Variants in MAGED1 observed in about 807,000 individuals in gnomAD.
The protein encoded by MAGED1 is MAGE family member D1.
MAGED1 carries 3 observed loss-of-function variants against 54.1 expected under a neutral mutation model. The ratio of observed to expected loss-of-function variants is 0.06; its 90% confidence interval spans 0.03 to 0.14. The LOEUF (loss-of-function observed/expected upper bound fraction) is 0.14. Among genes scored for constraint, MAGED1 ranks in the 10% least tolerant of loss-of-function variants. MAGED1 has a pLI of 1.00. For synonymous variants in MAGED1, 217 were observed against 227.3 expected (o/e 0.95, Z 0.41); for missense variants, 485 against 623.4 (o/e 0.78, Z 2.36).
chrX:51,889,520 C>T (rs782539014), upstream of MAGED1, among the ~76,000 whole-genome samples: 1 of 101,044 alleles, frequency 9.9e-6, no homozygotes, highest in South Asian at 5.1e-4. Flanking sequence ...CCCAGTTACT[C>T]GGGAGGCTCT....
intron 1 of MAGED1, among the ~76,000 whole-genome samples, chrX:51,816,780 C>T (rs782816266): frequency 5.4e-5 from 6 of 110,469 alleles, no homozygotes; most frequent in South Asian, 3.9e-4. Flanking sequence ...CAAACAGAAA[C>T]GGAGATCCAC....
At chrX:51,856,663 G>T (rs782646096) in intron 1 of MAGED1, among the ~76,000 whole-genome samples, 95 of 112,117 alleles carry the variant, frequency 8.5e-4, no homozygotes, top group African/African-American at 3.0e-3. Context: ...TCCAAAGAAT[G>T]TTATGGATCC....
intron 1 of MAGED1, among the ~76,000 whole-genome samples, chrX:51,807,933 A>G (rs183406270): frequency 2.7e-5 from 3 of 111,622 alleles, no homozygotes; most frequent in East Asian, 5.6e-4. Flanking sequence ...GTCAATTTCT[A>G]CAAACATTCT....
intron 1 of MAGED1, among the ~76,000 whole-genome samples, chrX:51,883,438 G>A (rs28538558): frequency 0.13 from 14,304 of 111,539 alleles, 815 homozygotes; most frequent in Non-Finnish European, 0.18. Context: ...GTGACAGGAA[G>A]CTCCTCAACC....
chrX:51,848,620 A>G (rs1308854092), intron 1 of MAGED1, among the ~76,000 whole-genome samples: 1 of 111,984 alleles, frequency 8.9e-6, no homozygotes, highest in Admixed American at 9.5e-5. Flanking sequence ...CACAAATCAC[A>G]GCATTTGCAC....
chrX:51,854,171 T>A (rs1392234449), intron 1 of MAGED1, among the ~76,000 whole-genome samples: 11 of 112,303 alleles, frequency 9.8e-5, no homozygotes, highest in Non-Finnish European at 1.9e-4. Context: ...ACAAGGTCCT[T>A]GTCCTGTTTC....
At position 51,861,777 on chromosome X, in the gene MAGED1, G is replaced by C. The variant is rs782033298; in HGVS notation, c.-36-32492G>C. ...TGGCTCACTGCAACCTCTGCCTCCT[G>C]GGTTCAAGCAATTTTCCTGCCTCAG... On this transcript the variant is annotated intron_variant, in intron 1 of 12. Coordinates refer to the MAGED1 transcript ENST00000375772. 2.7e-5 allele frequency among the ~76,000 whole-genome samples: 3 copies of C among 111,272 alleles called. No individual in the cohort carries two copies. In the Admixed American group the frequency reaches 2.9e-4, roughly 11 times the overall value.
intron 1 of MAGED1, among the ~76,000 whole-genome samples, chrX:51,888,045 G>A: frequency 9.0e-6 from 1 of 111,122 alleles, no homozygotes; most frequent in Middle Eastern, 4.6e-3. Context: ...AAGGAGGTGG[G>A]GATGGTTAAT....
chrX:51,894,255 C>T lies in MAGED1; in HGVS notation c.-36-14C>T, dbSNP rs782599496. The T allele has an allele frequency of 2.8e-6, 3 of 1,068,282 alleles. No homozygotes were observed. Among genetic ancestry groups the T allele is most frequent in the Admixed American group, 2.5e-5 (1 of 40,660 alleles). The allele number at this position is 1,068,282 out of a possible 1,213,427, so 88.0% of individuals were successfully genotyped here. On this transcript the variant is annotated splice_polypyrimidine_tract_variant and intron_variant, in intron 1 of 12. Transcript: ENST00000326587. ...TTGCCCTCTGTAGTATAACGCCCTG[C>T]CCCTCTCCCACAGCCCCCAGGCTCC...
At chrX:51,894,715 AC>A in intron 2 of MAGED1, 1 of 1,083,340 alleles carries the variant, frequency 9.2e-7, no homozygotes, top group Non-Finnish European at 1.2e-6. Context: ...ACTCTGTGCG[AC>A]CCCCCTTATT....
chrX:51,827,760 T>C (rs1317813137), intron 1 of MAGED1, among the ~76,000 whole-genome samples: 2 of 111,681 alleles, frequency 1.8e-5, no homozygotes, highest in Admixed American at 9.5e-5. Flanking sequence ...TGCTTCTCTC[T>C]CCCACACCTT....
intron 1 of MAGED1, among the ~76,000 whole-genome samples, chrX:51,883,960 A>AGAAAAATATACT (rs1258048667): frequency 8.9e-6 from 1 of 111,918 alleles, no homozygotes; most frequent in African/African-American, 3.2e-5. Flanking sequence ...TGAATGACAG[A>AGAAAAATATACT]GAAAAATATA....
chrX:51,812,237 G>A (rs182552751), intron 1 of MAGED1, among the ~76,000 whole-genome samples: 1 of 111,266 alleles, frequency 9.0e-6, no homozygotes, highest in East Asian at 2.8e-4. Context: ...AGCTGTGAGT[G>A]GGACCAGAGA....
At chrX:51,827,072 A>G (rs1315371781) in intron 1 of MAGED1, among the ~76,000 whole-genome samples, 2 of 111,787 alleles carry the variant, frequency 1.8e-5, no homozygotes, top group Non-Finnish European at 3.8e-5. Flanking sequence ...TTTTCAAGCC[A>G]TGAAAAGATA....
At position 51,898,144 on chromosome X, in the gene MAGED1, C is replaced by T. The variant is rs371683752; in HGVS notation, c.1689C>T (p.Leu563=). ...AAGACACACCCAAGCTCGGTCTCCT[C>T]TTGGTGATTCTGGGTGTCATCTTCA... The part of the protein sequence containing the change: ...TTKDTPKLGL[L]LVILGVIFMN... The change falls in exon 8 of 13, where the codon CTC becomes CTT. Residue 563 remains leucine (L), a synonymous_variant. Transcript: ENST00000326587. The T allele has an allele frequency of 1.1e-4, 138 of 1,209,377 alleles. No homozygotes were observed. The highest frequency in any genetic ancestry group is 1.4e-4 in the Non-Finnish European group (129 of 894,806).
rs1179682756 is a variant in MAGED1 at position 51,827,724 on chromosome X, T to G, written c.-37+24607T>G. On this transcript the variant is annotated intron_variant, in intron 1 of 12. Transcript: ENST00000375772. Reference sequence around the variant, plus strand: ...CTTATCTAAAAACTAAAGTCAATTTTTTAAAAGTCAACTGAAAAAAAGAAA... The same window carrying G: ...CTTATCTAAAAACTAAAGTCAATTTGTTAAAAGTCAACTGAAAAAAAGAAA... 2.7e-5 allele frequency among the ~76,000 whole-genome samples: 3 copies of G among 111,634 alleles called. No homozygotes were observed. The Admixed American group carries it at 2.9e-4, about 11-fold the overall frequency.
At chrX:51,855,288 C>T (rs1927044367) in intron 1 of MAGED1, among the ~76,000 whole-genome samples, 1 of 111,945 alleles carries the variant, frequency 8.9e-6, no homozygotes, top group Non-Finnish European at 1.9e-5. Context: ...TTTTAGAGAA[C>T]AACAAAACTT....
chrX:51,868,377 C>T (rs1927532309), intron 1 of MAGED1, among the ~76,000 whole-genome samples: 1 of 110,872 alleles, frequency 9.0e-6, no homozygotes, highest in African/African-American at 3.3e-5. Context: ...AGGGAATGAG[C>T]ACCACAAGTG....
upstream of MAGED1, among the ~76,000 whole-genome samples, chrX:51,891,767 T>C (rs1602266838): frequency 8.9e-6 from 1 of 111,920 alleles, no homozygotes; most frequent in African/African-American, 3.3e-5. Context: ...CTGAGAGATA[T>C]CCATTTGGAG....
Sources: gnomAD v4.1 joint callset for allele counts (sites outside exome capture counted in the v4.1 genomes callset) on GRCh38, gnomAD v4.1.1 for gene constraint, MANE v1.5 for transcripts, NCBI Gene and HGNC (gene_info 2026-07-23, HGNC 2026-07-21) for gene names.